SV2C: variants seen among roughly 807,000 people sequenced by gnomAD.
The protein encoded by SV2C is synaptic vesicle glycoprotein 2C.
In SV2C, 49 loss-of-function variants were observed where a neutral mutation model predicts 79.7. The observed-to-expected ratio is 0.61, with a 90% CI of 0.49 to 0.78. SV2C has a LOEUF of 0.78. Among genes scored for constraint, SV2C ranks in the 30% least tolerant of loss-of-function variants. The pLI, the probability that SV2C is intolerant of heterozygous loss-of-function variation, is 0.00. For missense variants in SV2C, 833 were observed against 912.9 expected (o/e 0.91, Z 1.13); for synonymous variants, 334 against 333.2 (o/e 1.00, Z -0.03).
the SV2C span, among the ~76,000 whole-genome samples, chr5:75,964,129 T>G: frequency 6.6e-6 from 1 of 152,170 alleles, no homozygotes; most frequent in East Asian, 1.9e-4. Flanking sequence ...TGTCTGTTCA[T>G]GTTTTCTTTC....
At chr5:75,921,377 G>T in the SV2C span, 14 of 898,376 alleles carry the variant, frequency 1.6e-5, no homozygotes, top group Non-Finnish European at 2.6e-5. Flanking sequence ...GTGCTGGTAG[G>T]TGTCCTGCCC....
intron 2 of SV2C, among the ~76,000 whole-genome samples, chr5:76,173,176 G>C (rs1743380791): frequency 6.7e-6 from 1 of 148,746 alleles, no homozygotes; most frequent in Non-Finnish European, 1.5e-5. Flanking sequence ...TAAGCTACAA[G>C]TATCAAAGAA....
At chr5:75,914,756 T>C in the SV2C span, among the ~76,000 whole-genome samples, 2 of 152,250 alleles carry the variant, frequency 1.3e-5, no homozygotes, top group Non-Finnish European at 2.9e-5. Flanking sequence ...GAGTGGTTTC[T>C]ATTATTACAG....
At chr5:75,925,345 G>A in the SV2C span, among the ~76,000 whole-genome samples, 1 of 152,164 alleles carries the variant, frequency 6.6e-6, no homozygotes. Context: ...AGTTGCCTTG[G>A]CCCCAGTGTG....
chr5:75,945,607 C>A, the SV2C span, among the ~76,000 whole-genome samples: 1 of 152,138 alleles, frequency 6.6e-6, no homozygotes, highest in Non-Finnish European at 1.5e-5. Context: ...ACATGAACCA[C>A]CATGCCTGCC....
chr5:76,012,762 A>G, the SV2C span, among the ~76,000 whole-genome samples: 31 of 152,294 alleles, frequency 2.0e-4, no homozygotes, highest in Admixed American at 1.1e-3. Flanking sequence ...TCTTTAATCC[A>G]TCTTGAGTTA....
the SV2C span, among the ~76,000 whole-genome samples, chr5:75,949,473 T>C: frequency 6.6e-6 from 1 of 151,866 alleles, no homozygotes; most frequent in East Asian, 1.9e-4. Flanking sequence ...GGTGCTATGG[T>C]TTTGCTGTGT....
chr5:75,981,656 A>G, the SV2C span, among the ~76,000 whole-genome samples: 1 of 152,132 alleles, frequency 6.6e-6, no homozygotes, highest in Non-Finnish European at 1.5e-5. Flanking sequence ...GGATAACTGC[A>G]CTAGCCATGT....
chr5:75,981,582 T>C, the SV2C span, among the ~76,000 whole-genome samples: 1 of 152,148 alleles, frequency 6.6e-6, no homozygotes, highest in African/African-American at 2.4e-5. Flanking sequence ...AACTATCTGA[T>C]ATGCCACAAA....
intron 1 of SV2C, among the ~76,000 whole-genome samples, chr5:76,099,409 C>T (rs1747667504): frequency 6.7e-6 from 1 of 149,380 alleles, no homozygotes; most frequent in Admixed American, 6.7e-5. Flanking sequence ...GTCTTCATGT[C>T]CTGTTGCTGC....
intron 12 of SV2C, among the ~76,000 whole-genome samples, chr5:76,308,740 G>A (rs1748301034): frequency 1.3e-5 from 2 of 152,132 alleles, no homozygotes; most frequent in South Asian, 4.1e-4. Flanking sequence ...TAGCAGTTCT[G>A]CCTTTTTCCT....
At position 76,326,075 on chromosome 5, in the gene SV2C, A is replaced by G. The variant is rs931185616; in HGVS notation, c.*528A>G. 8 of 152,194 alleles carry G rather than the reference A, an allele frequency of 5.3e-5. No homozygotes were observed. The highest frequency in any genetic ancestry group is 1.9e-4 in the African/African-American group (8 of 41,320). 9.4% of individuals were successfully genotyped at this position (152,194 alleles called of 1,614,324 possible). On this transcript the variant is annotated 3_prime_UTR_variant, in exon 13 of 13. Coordinates refer to ENST00000502798, the MANE Select transcript of SV2C (RefSeq NM_014979.4). ...ATAGCAGAGCCTTTCAAAGAAAACCATGTGGCACCAAACAGGGCTGGGTGG... is the reference window on the plus strand; with the variant it reads ...ATAGCAGAGCCTTTCAAAGAAAACCGTGTGGCACCAAACAGGGCTGGGTGG...
chr5:76,285,010 G>A, intron 4 of SV2C, 152 bp from the exon 5 acceptor site: 1 of 1,136,392 alleles, frequency 8.8e-7, no homozygotes, highest in East Asian at 2.4e-5. Flanking sequence ...TTAAAGCTGA[G>A]CTGGCCACCA....
At chr5:76,224,190 G>T (rs545742047) in intron 4 of SV2C, among the ~76,000 whole-genome samples, 107 of 152,198 alleles carry the variant, frequency 7.0e-4, no homozygotes, top group East Asian at 2.3e-3. Context: ...TTTTTTGGGG[G>T]TTTTTTTCCT....
At chr5:76,078,279 C>T in the SV2C span, among the ~76,000 whole-genome samples, 1 of 152,122 alleles carries the variant, frequency 6.6e-6, no homozygotes, top group Non-Finnish European at 1.5e-5. Context: ...GAGGGCAAGC[C>T]ATACTTCCAT....
the SV2C span, among the ~76,000 whole-genome samples, chr5:76,067,319 T>C: frequency 2.0e-5 from 3 of 152,072 alleles, no homozygotes; most frequent in Non-Finnish European, 4.4e-5. Context: ...TTCATATTTG[T>C]CACGAATATT....
At chr5:76,138,775 T>G (rs970898548) in intron 2 of SV2C, among the ~76,000 whole-genome samples, 1 of 152,330 alleles carries the variant, frequency 6.6e-6, no homozygotes, top group African/African-American at 2.4e-5. Flanking sequence ...CTCTGAGATC[T>G]TTAACACTTT....
At chr5:75,905,330 T>G in the SV2C span, among the ~76,000 whole-genome samples, 1 of 152,234 alleles carries the variant, frequency 6.6e-6, no homozygotes, top group African/African-American at 2.4e-5. Context: ...TGGCTGCCAT[T>G]GCCAGTGCCT....
the SV2C span, among the ~76,000 whole-genome samples, chr5:75,874,021 T>C: frequency 6.6e-6 from 1 of 152,086 alleles, no homozygotes; most frequent in Non-Finnish European, 1.5e-5. Context: ...TTCCAGAAAA[T>C]TGAGGAGCAG....
Sources: allele counts gnomAD v4.1 joint callset (sites outside exome capture counted in the v4.1 genomes callset), GRCh38; gene constraint gnomAD v4.1.1; transcripts MANE v1.5; gene names NCBI Gene and HGNC (gene_info 2026-07-23, HGNC 2026-07-21).